ISOC1: variants seen among roughly 807,000 people sequenced by gnomAD.
ISOC1 encodes isochorismatase domain-containing protein 1.
A neutral mutation model predicts 30.0 loss-of-function variants in ISOC1; 33 were observed. The observed-to-expected ratio is 1.10, with a 90% confidence interval of 0.83 to 1.47. The LOEUF (loss-of-function observed/expected upper bound fraction) is 1.47, where lower values mean the gene tolerates loss of function less well. Among genes scored for constraint, ISOC1 ranks in the 40% most tolerant of loss-of-function variants. ISOC1 has a pLI of 0.00. For synonymous variants in ISOC1, 178 were observed against 159.8 expected, an observed-to-expected ratio of 1.11 and a Z score of -0.86; for missense variants, 372 against 388.0, an observed-to-expected ratio of 0.96 and a Z score of 0.35.
intron 1 of ISOC1, among the ~76,000 whole-genome samples, chr5:129,097,334 T>C (rs558027506): frequency 3.2e-4 from 48 of 152,260 alleles, no homozygotes; most frequent in African/African-American, 1.1e-3. Flanking sequence ...CTGTGTATCG[T>C]ATATACCTTC....
At chr5:129,096,371 G>A (rs1185450429) in intron 1 of ISOC1, among the ~76,000 whole-genome samples, 2 of 152,106 alleles carry the variant, frequency 1.3e-5, no homozygotes, top group African/African-American at 2.4e-5. Flanking sequence ...TTCCGCTGTA[G>A]TTGGCAGCTG....
intron 4 of ISOC1, among the ~76,000 whole-genome samples, chr5:129,107,273 T>C (rs1305348479): frequency 6.6e-6 from 1 of 152,128 alleles, no homozygotes; most frequent in African/African-American, 2.4e-5. Flanking sequence ...TAGATCAAGG[T>C]TTCTAGCGTT....
At position 129,105,378 on chromosome 5, in the gene ISOC1, T is replaced by C. The variant is rs1195533341; in HGVS notation, c.623T>C (p.Phe208Ser). Residue 208 changes from phenylalanine (F) to serine (S), a missense_variant, in exon 3 of 5, where the codon TTT becomes TCT. Physicochemically the swap from Phe to Ser is radical, Grantham distance 155 (BLOSUM62 -2). Transcript: ENST00000173527. The stretch of plus-strand genomic sequence containing the variant: ...CCCGGAGTCAGGAGTGTTGTATTAT[T>C]TGGAGTAGAAGTAAGTACCTGTTAC... ...EIPGVRSVVL[F>S]GVETHVCIQQ... 1.2e-6 allele frequency: 2 copies of C among 1,613,158 alleles called. No individual in the cohort carries two copies.
Position 129,113,103 on chromosome 5 carries a change from T to A in ISOC1, c.*102T>A. On this transcript the variant is annotated 3_prime_UTR_variant, in exon 5 of 5. Transcript: ENST00000173527. ...CTTATCTCTACTAGAATTAAAATGT[T>A]AAGTCAAAAACGGCTCCTTTTTTGC... 8.5e-7 allele frequency: 1 copy of A among 1,180,570 alleles called. No individual in the cohort carries two copies. Among genetic ancestry groups the A allele is most frequent in the Non-Finnish European group, 1.2e-6 (1 of 866,594 alleles). 73.1% of individuals were successfully genotyped at this position (1,180,570 alleles called of 1,614,324 possible). A position where few individuals can be genotyped will look rare whatever the true frequency, so the allele number is the denominator to read the frequency against.
intron 1 of ISOC1, among the ~76,000 whole-genome samples, chr5:129,095,329 C>G (rs1333456580): frequency 6.6e-6 from 1 of 152,240 alleles, no homozygotes; most frequent in Non-Finnish European, 1.5e-5. Flanking sequence ...TCAGCGCCCG[C>G]GAACGCCCCC....
At chr5:129,095,954 T>C (rs181929517) in intron 1 of ISOC1, among the ~76,000 whole-genome samples, 1 of 152,338 alleles carries the variant, frequency 6.6e-6, no homozygotes, top group East Asian at 1.9e-4. Context: ...GTCGATATCA[T>C]TTCTTTAGCT....
At chr5:129,095,123 C>G (rs79834801) in intron 1 of ISOC1, 48 bp downstream of exon 1, 8 of 1,479,342 alleles carry the variant, frequency 5.4e-6, no homozygotes, top group African/African-American at 1.4e-5. Flanking sequence ...GAGTCGTCCC[C>G]GTCCCCGTCC....
chr5:129,110,641 G>A (rs1037137494), intron 4 of ISOC1, among the ~76,000 whole-genome samples: 14 of 152,098 alleles, frequency 9.2e-5, no homozygotes, highest in Non-Finnish European at 1.5e-5. Context: ...TTCCCACTCT[G>A]CCCCTGCTAT....
intron 1 of ISOC1, among the ~76,000 whole-genome samples, chr5:129,095,645 T>A (rs1161749145): frequency 6.6e-6 from 1 of 152,238 alleles, no homozygotes; most frequent in Non-Finnish European, 1.5e-5. Context: ...CTTAGCCTCC[T>A]CTTAGTAAAG....
intron 1 of ISOC1, among the ~76,000 whole-genome samples, 196 bp from the exon 2 acceptor site, chr5:129,104,760 A>G (rs970297418): frequency 6.6e-6 from 1 of 151,496 alleles, no homozygotes; most frequent in East Asian, 1.9e-4. Flanking sequence ...AATTTCCGCT[A>G]TTAAAAGCAA....
chr5:129,111,446 G>A (rs1753708332), intron 4 of ISOC1, among the ~76,000 whole-genome samples: 2 of 152,142 alleles, frequency 1.3e-5, no homozygotes, highest in Admixed American at 6.5e-5. Context: ...CCAGTGGAAA[G>A]GTTCAGTCTG....
intron 3 of ISOC1, among the ~76,000 whole-genome samples, chr5:129,106,695 A>G (rs1449554893): frequency 6.6e-6 from 1 of 152,200 alleles, no homozygotes; most frequent in Non-Finnish European, 1.5e-5. Context: ...AAACTCTAAG[A>G]ATATGTTTAA....
At chr5:129,095,477 G>T (rs1580784663) in intron 1 of ISOC1, among the ~76,000 whole-genome samples, 1 of 152,216 alleles carries the variant, frequency 6.6e-6, no homozygotes, top group African/African-American at 2.4e-5. Flanking sequence ...GGGGAAATGA[G>T]ATTGTGGGGA....
At chr5:129,107,872 T>A (rs1753658269) in intron 4 of ISOC1, among the ~76,000 whole-genome samples, 2 of 152,120 alleles carry the variant, frequency 1.3e-5, no homozygotes, top group Admixed American at 6.5e-5. Flanking sequence ...AATCAGGGAG[T>A]CTGTAATTCT....
At chr5:129,105,442 A>G (rs1753625489) in intron 3 of ISOC1, 54 bp downstream of exon 3, 1 of 1,449,478 alleles carries the variant, frequency 6.9e-7, no homozygotes, top group Non-Finnish European at 9.6e-7. Context: ...AAAACTCAAT[A>G]TTTGTGGAAT....
chr5:129,106,045 C>T (rs915341595), intron 3 of ISOC1, among the ~76,000 whole-genome samples: 2 of 152,064 alleles, frequency 1.3e-5, no homozygotes, highest in Non-Finnish European at 2.9e-5. Context: ...AAGATATTTC[C>T]TCAGGCTTAG....
rs114254108 is a variant in ISOC1 at position 129,106,222 on chromosome 5, T to C, written c.634-724T>C. On this transcript the variant is annotated intron_variant, in intron 3 of 4. Coordinates refer to ENST00000173527, the MANE Select transcript of ISOC1 (RefSeq NM_016048.2). ...TCTTTGAGTGGTCCTTCAATGCTAA[T>C]TTTAATGAGGTGTCATTTGATAATT... is the stretch of plus-strand genomic sequence containing the variant. Among the ~76,000 whole-genome samples, 1,436 of 152,318 alleles carry C rather than the reference T, an allele frequency of 9.4e-3. 17 individuals carry two copies. The highest frequency in any genetic ancestry group is 0.02 in the Middle Eastern group (6 of 294).
intron 4 of ISOC1, among the ~76,000 whole-genome samples, chr5:129,109,978 C>T (rs556403697): frequency 6.6e-6 from 1 of 152,246 alleles, no homozygotes; most frequent in Admixed American, 6.5e-5. Context: ...GAAATGTTTT[C>T]TGGGTATTTG....
At chr5:129,095,914 G>T (rs1299014336) in intron 1 of ISOC1, among the ~76,000 whole-genome samples, 1 of 152,180 alleles carries the variant, frequency 6.6e-6, no homozygotes, top group African/African-American at 2.4e-5. Context: ...GGAAAGGAAA[G>T]AATATAAGGT....
Sources: gnomAD v4.1 joint callset for allele counts (sites outside exome capture counted in the v4.1 genomes callset) on GRCh38, gnomAD v4.1.1 for gene constraint, MANE v1.5 for transcripts, NCBI Gene and HGNC (gene_info 2026-07-23, HGNC 2026-07-21) for gene names.